Variants in TULP4 observed in about 807,000 individuals in gnomAD.
TULP4 encodes tubby-related protein 4.
In TULP4, 16 loss-of-function variants were observed where a neutral mutation model predicts 129.0. The ratio of observed to expected loss-of-function variants is 0.12; its 90% confidence interval spans 0.08 to 0.19. The LOEUF (loss-of-function observed/expected upper bound fraction) is 0.19. Ranked by LOEUF, TULP4 falls within the 10% of genes least tolerant of loss-of-function variation. TULP4 has a pLI of 1.00. For missense variants in TULP4, 1,842 were observed against 2,059.1 expected, an observed-to-expected ratio of 0.89 and a Z score of 2.04; for synonymous variants, 998 against 854.0, an observed-to-expected ratio of 1.17 and a Z score of -2.94.
intron 1 of TULP4, among the ~76,000 whole-genome samples, chr6:158,265,453 G>A (rs1778429613): frequency 6.6e-6 from 1 of 152,030 alleles, no homozygotes; most frequent in African/African-American, 2.4e-5. Context: ...AGGCCGAGGT[G>A]GGCAGATCAC....
chr6:158,237,933 G>T, intron 1 of TULP4: 1 of 727,632 alleles, frequency 1.4e-6, no homozygotes. Flanking sequence ...GCTGTTCTAG[G>T]TCACTAATTG....
In TULP4 at chr6:158,510,768, A is replaced by G. The variant is rs1780721339; in HGVS notation, c.*4074A>G. On this transcript the variant is annotated 3_prime_UTR_variant, in exon 14 of 14. Transcript: ENST00000367097. ...GAGAACAGCCATGAAATAAGTCACTACTTGTCCCCAAAACCACAGGAATAT... is the reference window on the plus strand; with the variant it reads ...GAGAACAGCCATGAAATAAGTCACTGCTTGTCCCCAAAACCACAGGAATAT... 1 of 152,162 alleles carries G rather than the reference A, an allele frequency of 6.6e-6. No homozygotes were observed. The highest frequency in any genetic ancestry group is 6.5e-5 in the Admixed American group (1 of 15,272). 9.4% of individuals were successfully genotyped at this position (152,162 alleles called of 1,614,324 possible).
upstream of TULP4, among the ~76,000 whole-genome samples, chr6:158,308,448 A>G (rs1318444879): frequency 2.6e-5 from 4 of 151,746 alleles, no homozygotes; most frequent in African/African-American, 9.7e-5. Context: ...TCTTTTCCCC[A>G]CCTTTCCCCC....
chr6:158,486,381 A>G lies in TULP4; in HGVS notation c.1487-3207A>G, dbSNP rs140170483. Among the ~76,000 whole-genome samples, 128 of 152,244 alleles carry G rather than the reference A, an allele frequency of 8.4e-4. 1 individual carries two copies. The highest frequency in any genetic ancestry group is 2.8e-3 in the African/African-American group (116 of 41,548). The stretch of plus-strand genomic sequence containing the variant: ...ATCCTGGCTAACAAGGTGAAACCCC[A>G]TCTCTACTAAAAATATAAAAAATTA... On this transcript the variant is annotated intron_variant, in intron 8 of 13. Transcript: ENST00000367097.
chr6:158,416,839 T>C (rs1031088789), intron 2 of TULP4, among the ~76,000 whole-genome samples: 1 of 152,246 alleles, frequency 6.6e-6, no homozygotes, highest in Non-Finnish European at 1.5e-5. Flanking sequence ...TTTTATCTTT[T>C]ATACTGTATT....
At chr6:158,431,354 G>A (rs1461585988) in intron 3 of TULP4, among the ~76,000 whole-genome samples, 1 of 152,150 alleles carries the variant, frequency 6.6e-6, no homozygotes, top group Non-Finnish European at 1.5e-5. Context: ...TCCAGGAGTG[G>A]ATGTCTTGGC....
Position 158,455,371 on chromosome 6 carries a change from GC to G in TULP4, c.859+3105del, listed in dbSNP as rs1779268646. ...TTACAGGCGTGAGCCACCGCGCCCG[GC>G]CAAATTTAACATTTTAATTATTACC... On this transcript the variant is annotated intron_variant, in intron 5 of 13. Coordinates refer to ENST00000367097, the MANE Select transcript of TULP4 (RefSeq NM_020245.5). 1.3e-5 allele frequency among the ~76,000 whole-genome samples: 2 copies of G among 150,966 alleles called. 1 individual carries two copies. Among genetic ancestry groups the G allele is most frequent in the African/African-American group, 4.9e-5 (2 of 41,024 alleles).
At chr6:158,425,343 G>T (rs561411209) in intron 2 of TULP4, among the ~76,000 whole-genome samples, 2 of 150,766 alleles carry the variant, frequency 1.3e-5, no homozygotes, top group African/African-American at 2.4e-5. Context: ...GTGAAACCTC[G>T]TCTCGACTAA....
At chr6:158,404,884 T>C (rs565738299) in intron 1 of TULP4, among the ~76,000 whole-genome samples, 5 of 152,220 alleles carry the variant, frequency 3.3e-5, no homozygotes, top group African/African-American at 1.2e-4. Context: ...TACAGAGGGC[T>C]CTGGATAGTA....
chr6:158,376,370 C>T (rs977612207), intron 1 of TULP4, among the ~76,000 whole-genome samples: 4 of 152,178 alleles, frequency 2.6e-5, no homozygotes, highest in African/African-American at 9.7e-5. Flanking sequence ...GACAAAGCCT[C>T]CTGCTGAGCA....
chr6:158,315,158 ATAGGTCT>A (rs1562517045), intron 1 of TULP4, among the ~76,000 whole-genome samples: 1 of 152,246 alleles, frequency 6.6e-6, no homozygotes, highest in African/African-American at 2.4e-5. Flanking sequence ...TTTTTCAAGT[ATAGGTCT>A]TAGTCCATTT....
intron 1 of TULP4, among the ~76,000 whole-genome samples, chr6:158,297,236 CATT>C (rs1199951847): frequency 1.3e-5 from 2 of 152,166 alleles, no homozygotes; most frequent in Non-Finnish European, 2.9e-5. Flanking sequence ...TTGGCACGTC[CATT>C]TATAGGCTCT....
intron 1 of TULP4, among the ~76,000 whole-genome samples, chr6:158,348,210 G>T: frequency 1.3e-5 from 1 of 77,060 alleles, no homozygotes. Context: ...ATCATTCTTG[G>T]GTGTTTCTCG....
chr6:158,392,833 G>T (rs1320181594), intron 1 of TULP4, among the ~76,000 whole-genome samples: 1 of 87,814 alleles, frequency 1.1e-5, no homozygotes, highest in Non-Finnish European at 2.0e-5. Context: ...ATGGAGTCTC[G>T]CTCCATTGCC....
At chr6:158,281,650 A>G (rs1778755408), upstream of TULP4, among the ~76,000 whole-genome samples, 1 of 152,078 alleles carries the variant, frequency 6.6e-6, no homozygotes, top group African/African-American at 2.4e-5. Flanking sequence ...TTTTAGGGAG[A>G]AGGGGAAGGA....
chr6:158,426,786 A>G (rs984710216), intron 2 of TULP4, among the ~76,000 whole-genome samples: 5 of 152,194 alleles, frequency 3.3e-5, no homozygotes, highest in African/African-American at 1.2e-4. Flanking sequence ...TAGGAATAGC[A>G]TTACATCTGT....
chr6:158,351,918 C>T (rs909883814), intron 1 of TULP4, among the ~76,000 whole-genome samples: 17 of 151,874 alleles, frequency 1.1e-4, no homozygotes, highest in Middle Eastern at 3.4e-3. Flanking sequence ...GACAGGGTTT[C>T]ACCATGTTGG....
chr6:158,239,306 G>A (rs1209259879), intron 1 of TULP4, among the ~76,000 whole-genome samples: 15 of 51,290 alleles, frequency 2.9e-4, no homozygotes, highest in East Asian at 1.5e-3. Flanking sequence ...CAGTAGGGGC[G>A]GCCGGGCAGA....
In TULP4 at chr6:158,423,653, T is replaced by G. The variant is rs566327488; in HGVS notation, c.382-6083T>G. ...TGTTTTTTGTTGTTGTTGTTGTTGT[T>G]GTTTTGAGATGGAGTCTCACCCTGC... On this transcript the variant is annotated intron_variant, in intron 2 of 13. Transcript: ENST00000367097. Among the ~76,000 whole-genome samples, 3 of 152,190 alleles carry G rather than the reference T, an allele frequency of 2.0e-5. No individual in the cohort carries two copies. The East Asian group carries it at 5.8e-4, about 29-fold the overall frequency.
Sources: gnomAD v4.1 joint callset for allele counts (sites outside exome capture counted in the v4.1 genomes callset) on GRCh38, gnomAD v4.1.1 for gene constraint, MANE v1.5 for transcripts, NCBI Gene and HGNC (gene_info 2026-07-23, HGNC 2026-07-21) for gene names.